PRKG1: variants seen among roughly 807,000 people sequenced by gnomAD.
PRKG1 encodes the protein cGMP-dependent protein kinase 1.
A neutral mutation model predicts 88.1 loss-of-function variants in PRKG1; 35 were observed. The ratio of observed to expected loss-of-function variants is 0.40; its 90% CI spans 0.30 to 0.53. The LOEUF (loss-of-function observed/expected upper bound fraction) is 0.53, where lower values mean the gene tolerates loss of function less well. PRKG1 is among the 20% of genes least tolerant of loss of function. The probability of loss-of-function intolerance (pLI) is 0.59; values close to 1 mark genes in which losing one functional copy is unlikely to be tolerated. For synonymous variants in PRKG1, 303 were observed against 292.5 expected (o/e 1.04, Z -0.37); for missense variants, 540 against 839.8 (o/e 0.64, Z 4.41).
chr10:51,019,796 C>T (rs1175357101), intron 1 of PRKG1, among the ~76,000 whole-genome samples: 1 of 149,974 alleles, frequency 6.7e-6, no homozygotes, highest in Non-Finnish European at 1.5e-5. Flanking sequence ...AACTAAGCAA[C>T]AAAACAAAAC....
chr10:51,641,820 C>T (rs1475150347), intron 3 of PRKG1, among the ~76,000 whole-genome samples: 1 of 152,000 alleles, frequency 6.6e-6, no homozygotes, highest in Non-Finnish European at 1.5e-5. Flanking sequence ...GTGTTTATTT[C>T]CTTTAACTTT....
intron 5 of PRKG1, among the ~76,000 whole-genome samples, chr10:51,996,553 A>G (rs1345622816): frequency 6.6e-6 from 1 of 152,126 alleles, no homozygotes; most frequent in African/African-American, 2.4e-5. Context: ...ATTACTAATA[A>G]TCAGAGAAAT....
chr10:51,115,646 T>G (rs924022002), intron 1 of PRKG1, among the ~76,000 whole-genome samples: 78 of 151,678 alleles, frequency 5.1e-4, no homozygotes, highest in South Asian at 4.2e-4. Context: ...GAGACCATCC[T>G]GGCCAACATG....
At chr10:52,210,139 T>A (rs1048515287) in intron 9 of PRKG1, among the ~76,000 whole-genome samples, 2 of 152,126 alleles carry the variant, frequency 1.3e-5, no homozygotes, top group African/African-American at 4.8e-5. Flanking sequence ...CTAGGGCCCA[T>A]AAGATGGTAG....
intron 2 of PRKG1, among the ~76,000 whole-genome samples, chr10:51,273,927 G>A (rs866140735): frequency 4.6e-5 from 7 of 152,198 alleles, no homozygotes; most frequent in African/African-American, 1.2e-4. Context: ...TTAGATCTAC[G>A]TTAAATCCCA....
intron 2 of PRKG1, among the ~76,000 whole-genome samples, chr10:51,450,751 A>G (rs1184239918): frequency 6.6e-6 from 1 of 151,888 alleles, no homozygotes; most frequent in Non-Finnish European, 1.5e-5. Context: ...AGACTGACCT[A>G]AGAGTGCTTT....
At chr10:51,570,817 T>C (rs1281554949) in intron 3 of PRKG1, among the ~76,000 whole-genome samples, 1 of 151,910 alleles carries the variant, frequency 6.6e-6, no homozygotes, top group Non-Finnish European at 1.5e-5. Flanking sequence ...TTTTTAAAAT[T>C]AAACTTTGTC....
Position 51,347,090 on chromosome 10 carries a change from C to T in PRKG1, c.479-120633C>T, listed in dbSNP as rs369881490. Among the ~76,000 whole-genome samples, 24 of 151,366 alleles carry T rather than the reference C, an allele frequency of 1.6e-4. 1 individual carries two copies. The highest frequency in any genetic ancestry group is 9.2e-4 in the Admixed American group (14 of 15,178). ...CACAGATGAATGCCAATAGCCACTG[C>T]GGCCACATGCTTCCCTGTTCATGAA... On this transcript the variant is annotated intron_variant, in intron 2 of 17. Transcript: ENST00000373980.
chr10:52,165,933 A>C (rs1392833876), intron 9 of PRKG1, among the ~76,000 whole-genome samples: 2 of 152,222 alleles, frequency 1.3e-5, no homozygotes, highest in African/African-American at 4.8e-5. Flanking sequence ...GTGGTTCTCA[A>C]AACTCCTCTA....
At chr10:51,317,932 C>G (rs1841364413) in intron 2 of PRKG1, among the ~76,000 whole-genome samples, 1 of 152,190 alleles carries the variant, frequency 6.6e-6, no homozygotes, top group African/African-American at 2.4e-5. Flanking sequence ...TCTTTTTCTT[C>G]TTTCCTAACC....
intron 7 of PRKG1, among the ~76,000 whole-genome samples, chr10:52,103,869 A>G (rs1352229247): frequency 6.6e-6 from 1 of 151,914 alleles, no homozygotes; most frequent in Non-Finnish European, 1.5e-5. Flanking sequence ...AGTCAATAAG[A>G]TACAAATCTT....
intron 5 of PRKG1, among the ~76,000 whole-genome samples, chr10:51,930,486 T>A (rs1842666681): frequency 7.5e-6 from 1 of 133,142 alleles, no homozygotes; most frequent in East Asian, 2.0e-4. Context: ...AAGAACCTTT[T>A]TTTTTCCTCT....
At chr10:51,764,476 G>A (rs1467459093) in intron 3 of PRKG1, among the ~76,000 whole-genome samples, 1 of 152,064 alleles carries the variant, frequency 6.6e-6, no homozygotes, top group Non-Finnish European at 1.5e-5. Context: ...GGTCAATCTT[G>A]CTCTGTGAAT....
chr10:51,079,679 TTG>T lies in PRKG1; in HGVS notation c.311+4802_311+4803del, dbSNP rs56746938. On this transcript the variant is annotated intron_variant, in intron 1 of 17. Transcript: ENST00000373980. ...GGGTTTTAGAATAGCTAAGGCTCATTTGTGTGTGTGTGTGTGTGTGTGTGTTT... is the reference window on the plus strand; with the variant it reads ...GGGTTTTAGAATAGCTAAGGCTCATTTGTGTGTGTGTGTGTGTGTGTGTTT... Among the ~76,000 whole-genome samples, 517 of 150,248 alleles carry T rather than the reference TTG, an allele frequency of 3.4e-3. 1 individual carries two copies. Among genetic ancestry groups the T allele is most frequent in the African/African-American group, 0.01 (428 of 41,050 alleles).
chr10:51,576,452 C>T (rs1837889782), intron 3 of PRKG1, among the ~76,000 whole-genome samples: 2 of 151,850 alleles, frequency 1.3e-5, no homozygotes, highest in Non-Finnish European at 2.9e-5. Context: ...AATAGCAGGG[C>T]CCTTTTGATG....
At chr10:51,142,218 C>T (rs1380554508) in intron 1 of PRKG1, among the ~76,000 whole-genome samples, 1 of 152,070 alleles carries the variant, frequency 6.6e-6, no homozygotes, top group East Asian at 1.9e-4. Flanking sequence ...GAATTCAAGA[C>T]GTGTTTCTGT....
intron 9 of PRKG1, among the ~76,000 whole-genome samples, chr10:52,175,938 T>A (rs1024307833): frequency 6.6e-6 from 1 of 152,014 alleles, no homozygotes; most frequent in Admixed American, 6.6e-5. Flanking sequence ...CTCTCCTTCT[T>A]TAAGTTATCT....
At position 51,411,396 on chromosome 10, in the gene PRKG1, A is replaced by G. The variant is rs568163940; in HGVS notation, c.479-56327A>G. Among the ~76,000 whole-genome samples, 26 of 152,338 alleles carry G rather than the reference A, an allele frequency of 1.7e-4. No homozygotes were observed. The South Asian group carries it at 4.6e-3, about 27-fold the overall frequency. On this transcript the variant is annotated intron_variant, in intron 2 of 17. Coordinates refer to ENST00000373980, the MANE Select transcript of PRKG1 (RefSeq NM_006258.4). ...AGGAATGTTTAGGTAAGGACAGGAA[A>G]CTTACAGAATGAAGTTACAGGAAGT...
chr10:51,905,635 A>G (rs184285856), intron 4 of PRKG1, among the ~76,000 whole-genome samples: 4 of 152,114 alleles, frequency 2.6e-5, no homozygotes, highest in Non-Finnish European at 5.9e-5. Context: ...ATAATTTTGC[A>G]TAAAGTAAGT....
Sources: allele counts gnomAD v4.1 joint callset (sites outside exome capture counted in the v4.1 genomes callset), GRCh38; gene constraint gnomAD v4.1.1; transcripts MANE v1.5; gene names NCBI Gene and HGNC (gene_info 2026-07-23, HGNC 2026-07-21).